Variants in MPC2 observed in about 807,000 individuals in gnomAD.
MPC2 encodes the protein mitochondrial pyruvate carrier 2.
MPC2 carries 19 observed loss-of-function variants against 19.2 expected under a neutral mutation model. The observed-to-expected ratio is 0.99, with a 90% confidence interval of 0.69 to 1.45. MPC2 has a LOEUF of 1.45. Among genes scored for constraint, MPC2 ranks in the 40% most tolerant of loss-of-function variants. The pLI, the probability that MPC2 is intolerant of heterozygous loss-of-function variation, is 0.00. For synonymous variants in MPC2, 61 were observed against 54.3 expected (o/e 1.12, Z -0.54); for missense variants, 122 against 153.0 (o/e 0.80, Z 1.07).
intron 2 of MPC2, among the ~76,000 whole-genome samples, chr1:167,930,567 C>T (rs1027666933): frequency 9.2e-5 from 14 of 152,232 alleles, no homozygotes; most frequent in African/African-American, 3.4e-4. Context: ...TAAGAGAATA[C>T]CAAATTATAG....
chr1:167,919,888 A>G (rs190995994), intron 5 of MPC2, 91 bp downstream of exon 5: 331 of 757,466 alleles, frequency 4.4e-4, no homozygotes, highest in Non-Finnish European at 5.9e-4. Flanking sequence ...AGCCTGGGCA[A>G]CAGAGCGAGA....
intron 2 of MPC2, among the ~76,000 whole-genome samples, chr1:167,927,596 C>T (rs1051380236): frequency 1.3e-5 from 2 of 152,116 alleles, no homozygotes; most frequent in African/African-American, 4.8e-5. Context: ...TTTCTGTCAC[C>T]CCAAAATTGT....
chr1:167,929,863 A>C (rs1670861011), intron 2 of MPC2, among the ~76,000 whole-genome samples: 1 of 152,210 alleles, frequency 6.6e-6, no homozygotes, highest in South Asian at 2.1e-4. Flanking sequence ...AGGTCATAAA[A>C]TCACTACATT....
At chr1:167,936,692 G>A in intron 1 of MPC2, 1 of 525,960 alleles carries the variant, frequency 1.9e-6, no homozygotes, top group South Asian at 2.3e-5. Context: ...TGGATGTTCT[G>A]GTTAGTCTAA....
intron 2 of MPC2, 71 bp downstream of exon 2, chr1:167,935,662 G>T: frequency 7.8e-7 from 1 of 1,281,970 alleles, no homozygotes; most frequent in Non-Finnish European, 1.1e-6. Flanking sequence ...TTGTCAGAGG[G>T]CCTCTAAAAG....
chr1:167,932,982 G>A (rs1670953660), intron 2 of MPC2, among the ~76,000 whole-genome samples: 1 of 151,916 alleles, frequency 6.6e-6, no homozygotes, highest in Admixed American at 6.6e-5. Flanking sequence ...ATCCTTTTTT[G>A]TGAGTTGAGG....
intron 3 of MPC2, among the ~76,000 whole-genome samples, chr1:167,921,629 T>C (rs1337151223): frequency 2.0e-5 from 3 of 152,184 alleles, no homozygotes; most frequent in Non-Finnish European, 4.4e-5. Context: ...TCCCACCAGA[T>C]GAGCTGTATT....
At chr1:167,918,900 A>G (rs984734653) in intron 5 of MPC2, among the ~76,000 whole-genome samples, 1 of 151,980 alleles carries the variant, frequency 6.6e-6, no homozygotes, top group Admixed American at 6.6e-5. Flanking sequence ...GCCTGCCAAA[A>G]ACTTTTAACA....
chr1:167,936,833 G>C (rs1245681197), intron 1 of MPC2, 106 bp downstream of exon 1: 3 of 1,279,436 alleles, frequency 2.3e-6, no homozygotes, highest in Non-Finnish European at 3.3e-6. Context: ...TGCGGCTCGG[G>C]TGTTGAAACG....
chr1:167,931,827 A>T (rs867740251), intron 2 of MPC2, among the ~76,000 whole-genome samples: 4 of 152,274 alleles, frequency 2.6e-5, no homozygotes, highest in Middle Eastern at 3.4e-3. Context: ...CCTTATAAAC[A>T]CTGATAACAT....
At chr1:167,920,495 C>G in intron 4 of MPC2, 52 bp downstream of exon 4, 1 of 1,576,740 alleles carries the variant, frequency 6.3e-7, no homozygotes, top group Non-Finnish European at 8.6e-7. Context: ...TAAAAGAAAA[C>G]AAAAATCATT....
intron 3 of MPC2, among the ~76,000 whole-genome samples, chr1:167,922,304 T>C (rs1332569254): frequency 6.6e-6 from 1 of 152,116 alleles, no homozygotes; most frequent in Non-Finnish European, 1.5e-5. Flanking sequence ...TATAATGCTG[T>C]CAATATCTCA....
intron 2 of MPC2, among the ~76,000 whole-genome samples, chr1:167,925,454 T>TAC (rs1553200820): frequency 4.4e-5 from 5 of 114,706 alleles, no homozygotes; most frequent in African/African-American, 1.5e-4. Flanking sequence ...TATATATATA[T>TAC]ATATATATAT....
At chr1:167,934,647 G>A (rs1157452437) in intron 2 of MPC2, among the ~76,000 whole-genome samples, 7 of 152,156 alleles carry the variant, frequency 4.6e-5, no homozygotes, top group Non-Finnish European at 1.0e-4. Context: ...CAGAGAGCTG[G>A]TTCATAATCA....
intron 1 of MPC2, chr1:167,936,459 C>T (rs1008899370): frequency 3.3e-5 from 6 of 182,408 alleles, no homozygotes; most frequent in East Asian, 3.4e-4. Flanking sequence ...CGTCTTTTAT[C>T]CCTAGCGACT....
At chr1:167,923,582 T>C (rs1670655469) in intron 3 of MPC2, among the ~76,000 whole-genome samples, 1 of 152,094 alleles carries the variant, frequency 6.6e-6, no homozygotes, top group Admixed American at 6.6e-5. Flanking sequence ...GACTTGCTTT[T>C]ACAAGATAAA....
At chr1:167,936,000 C>G in intron 1 of MPC2, 102 bp from the exon 2 acceptor site, 1 of 630,296 alleles carries the variant, frequency 1.6e-6, no homozygotes, top group Non-Finnish European at 2.8e-6. Context: ...CGCTGTGAAC[C>G]GAAAAGCTGC....
chr1:167,931,244 T>C (rs371947906), intron 2 of MPC2, among the ~76,000 whole-genome samples: 3 of 152,188 alleles, frequency 2.0e-5, no homozygotes, highest in African/African-American at 7.2e-5. Context: ...TATTCCTTTT[T>C]ATGAATTCTT....
intron 1 of MPC2, chr1:167,936,713 A>G: frequency 3.4e-6 from 2 of 581,448 alleles, no homozygotes; most frequent in Non-Finnish European, 6.1e-6. Flanking sequence ...GAAGGAGAGT[A>G]TGAGGCGAGC....
Sources: gnomAD v4.1 joint callset for allele counts (sites outside exome capture counted in the v4.1 genomes callset) on GRCh38, gnomAD v4.1.1 for gene constraint, MANE v1.5 for transcripts, NCBI Gene and HGNC (gene_info 2026-07-23, HGNC 2026-07-21) for gene names.